The following NOS1AP variants were observed in gnomAD, a reference collection of about 807,000 sequenced individuals.
NOS1AP encodes carboxyl-terminal PDZ ligand of neuronal nitric oxide synthase protein.
Under a neutral mutation model 56.2 loss-of-function variants are expected in NOS1AP, and 21 were observed. The observed-to-expected ratio is 0.37, with a 90% CI of 0.26 to 0.54. The LOEUF is 0.54. Ranked by LOEUF, NOS1AP falls within the 20% of genes least tolerant of loss-of-function variation. The pLI, the probability that NOS1AP is intolerant of heterozygous loss-of-function variation, is 0.84. For synonymous variants in NOS1AP, 270 were observed against 274.6 expected (o/e 0.98, Z 0.17); for missense variants, 522 against 657.8 (o/e 0.79, Z 2.26).
chr1:162,123,546 T>A (rs903800577), intron 1 of NOS1AP, among the ~76,000 whole-genome samples: 1 of 152,232 alleles, frequency 6.6e-6, no homozygotes, highest in African/African-American at 2.4e-5. Flanking sequence ...TGGATAATAT[T>A]TTCAGTGTTT....
intron 2 of NOS1AP, among the ~76,000 whole-genome samples, chr1:162,167,186 C>T (rs1460132337): frequency 2.6e-5 from 4 of 152,214 alleles, no homozygotes; most frequent in African/African-American, 9.6e-5. Context: ...ACAACGAGCT[C>T]ACCCTGCTTT....
rs1647310705 is a variant in NOS1AP, at chr1:162,369,531, A to T, written c.*2064A>T. The T allele has an allele frequency of 6.6e-6, 1 of 152,412 alleles. No individual in the cohort carries two copies. Among genetic ancestry groups the T allele is most frequent in the Non-Finnish European group, 1.5e-5 (1 of 68,110 alleles). The allele number at this position is 152,412 out of a possible 1,614,324, so 9.4% of individuals were successfully genotyped here. A position where few individuals can be genotyped will look rare whatever the true frequency, so the allele number is the denominator to read the frequency against. On this transcript the variant is annotated 3_prime_UTR_variant, in exon 10 of 10. Transcript: ENST00000361897. ...AGTGGATTAGGTGTATGGAATGTGG[A>T]TGGAGAGGGCTTGTGTGGGATGTGG... is the stretch of plus-strand genomic sequence containing the variant.
At chr1:162,337,958 T>C (rs868024098) in intron 5 of NOS1AP, among the ~76,000 whole-genome samples, 15 of 152,228 alleles carry the variant, frequency 9.9e-5, no homozygotes, top group African/African-American at 3.6e-4. Flanking sequence ...TTTTCATGCT[T>C]TGGCATTGTA....
At chr1:162,329,425 G>A (rs1183289788) in intron 4 of NOS1AP, among the ~76,000 whole-genome samples, 4 of 151,808 alleles carry the variant, frequency 2.6e-5, no homozygotes, top group African/African-American at 9.7e-5. Flanking sequence ...AAAGTTGAAG[G>A]GGGAATAAAA....
intron 2 of NOS1AP, among the ~76,000 whole-genome samples, chr1:162,247,225 C>A (rs1323293227): frequency 6.6e-6 from 1 of 152,118 alleles, no homozygotes; most frequent in East Asian, 1.9e-4. Flanking sequence ...GCATTTTCTC[C>A]CCTTGCCTCT....
At chr1:162,351,198 T>C (rs1657482863) in intron 6 of NOS1AP, among the ~76,000 whole-genome samples, 1 of 152,150 alleles carries the variant, frequency 6.6e-6, no homozygotes, top group Non-Finnish European at 1.5e-5. Context: ...CCCATACACA[T>C]AAAACTAGTG....
chr1:162,246,987 T>C (rs1350147301), intron 2 of NOS1AP, among the ~76,000 whole-genome samples: 2 of 152,212 alleles, frequency 1.3e-5, no homozygotes, highest in Non-Finnish European at 2.9e-5. Context: ...AAGCTAAAAC[T>C]GAGTACAAAT....
chr1:162,087,126 C>T (rs1212852699), intron 1 of NOS1AP, among the ~76,000 whole-genome samples: 2 of 152,156 alleles, frequency 1.3e-5, no homozygotes, highest in African/African-American at 4.8e-5. Context: ...AGTAAAGACA[C>T]ACAGGGTTGG....
At chr1:162,208,305 T>G (rs777352679) in intron 2 of NOS1AP, among the ~76,000 whole-genome samples, 7 of 152,224 alleles carry the variant, frequency 4.6e-5, no homozygotes, top group Non-Finnish European at 1.0e-4. Context: ...AATTTAACTC[T>G]GGATCACATC....
intron 4 of NOS1AP, among the ~76,000 whole-genome samples, chr1:162,321,719 T>TAAAAAA (rs201941230): frequency 4.4e-5 from 6 of 137,890 alleles, no homozygotes; most frequent in African/African-American, 1.4e-4. Context: ...AAAGTATAAT[T>TAAAAAA]AAAAAAAAAA....
At chr1:162,127,111 T>A (rs907155774) in intron 1 of NOS1AP, among the ~76,000 whole-genome samples, 3 of 151,936 alleles carry the variant, frequency 2.0e-5, no homozygotes, top group Middle Eastern at 3.4e-3. Flanking sequence ...TTTGCCATAT[T>A]TTTTTTTAAA....
chr1:162,311,685 A>C, intron 4 of NOS1AP, among the ~76,000 whole-genome samples: 3 of 144,668 alleles, frequency 2.1e-5, no homozygotes, highest in Non-Finnish European at 4.6e-5. Context: ...GCACCCACTA[A>C]CTCGTCATCT....
intron 1 of NOS1AP, among the ~76,000 whole-genome samples, chr1:162,135,595 G>A (rs904189799): frequency 1.3e-5 from 2 of 152,148 alleles, no homozygotes; most frequent in Non-Finnish European, 2.9e-5. Flanking sequence ...GGTCTGTGCA[G>A]GGAGGTTGCA....
intron 2 of NOS1AP, among the ~76,000 whole-genome samples, chr1:162,256,514 T>G (rs1654036249): frequency 6.6e-6 from 1 of 152,224 alleles, no homozygotes; most frequent in Non-Finnish European, 1.5e-5. Context: ...CTGTGAAGAT[T>G]AACTGTCCTT....
intron 1 of NOS1AP, among the ~76,000 whole-genome samples, chr1:162,140,263 C>G (rs1649181672): frequency 6.6e-6 from 1 of 152,196 alleles, no homozygotes. Flanking sequence ...CAAGGTCCTC[C>G]AGACAATCAT....
chr1:162,337,183 G>A (rs141086353), intron 5 of NOS1AP, among the ~76,000 whole-genome samples: 6 of 152,314 alleles, frequency 3.9e-5, no homozygotes, highest in Non-Finnish European at 7.4e-5. Context: ...GCATCAGTGC[G>A]TGAAGTGCTG....
At chr1:162,221,532 GCGCACACACACACACACACACACACACA>G (rs1652779692) in intron 2 of NOS1AP, among the ~76,000 whole-genome samples, 1 of 132,716 alleles carries the variant, frequency 7.5e-6, no homozygotes. Context: ...ACACACACGC[GCGCACACACACACACACACACACACACA>G]CACACACACA....
intron 1 of NOS1AP, among the ~76,000 whole-genome samples, chr1:162,119,882 TGGC>T: frequency 6.6e-6 from 1 of 152,166 alleles, no homozygotes; most frequent in Admixed American, 6.5e-5. Flanking sequence ...TAGGGATCCT[TGGC>T]TTGTTGTAAA....
At chr1:162,208,911 A>G (rs1005631625) in intron 2 of NOS1AP, among the ~76,000 whole-genome samples, 41 of 152,220 alleles carry the variant, frequency 2.7e-4, no homozygotes, top group Admixed American at 2.2e-3. Flanking sequence ...TTGAGGCCAT[A>G]TTCATCATCT....
Sources: gnomAD v4.1 joint callset for allele counts (sites outside exome capture counted in the v4.1 genomes callset) on GRCh38, gnomAD v4.1.1 for gene constraint, MANE v1.5 for transcripts, NCBI Gene and HGNC (gene_info 2026-07-23, HGNC 2026-07-21) for gene names.